Variants in KIRREL3 observed in about 807,000 individuals in gnomAD.
The protein encoded by KIRREL3 is kin of IRRE-like protein 3.
Under a neutral mutation model 89.7 loss-of-function variants are expected in KIRREL3, and 36 were observed. The ratio of observed to expected loss-of-function variants is 0.40; its 90% CI spans 0.31 to 0.53. KIRREL3 has a LOEUF of 0.53. KIRREL3 is among the 20% of genes least tolerant of loss of function. The pLI is 0.49. For synonymous variants in KIRREL3, 445 were observed against 441.4 expected (o/e 1.01, Z -0.10); for missense variants, 864 against 1,056.6 (o/e 0.82, Z 2.53).
chr11:126,794,510 T>A (rs1382535446), intron 1 of KIRREL3, among the ~76,000 whole-genome samples: 2 of 152,254 alleles, frequency 1.3e-5, no homozygotes, highest in African/African-American at 4.8e-5. Context: ...CACAGGGTGG[T>A]AACACAGATC....
In KIRREL3 at chr11:126,771,502, T is replaced by C. The variant is rs1950020599; in HGVS notation, c.56-208590A>G. Reference sequence around the variant, plus strand: ...TCTTTTTTGGCTTTGCTGTACAGATTGGTGCAAAAATAATCACAATTTTTG... The same window carrying C: ...TCTTTTTTGGCTTTGCTGTACAGATCGGTGCAAAAATAATCACAATTTTTG... On this transcript the variant is annotated intron_variant, in intron 1 of 16. Transcript: ENST00000525144. The surrounding 1 kb of genome is among the most constrained non-coding windows in gnomAD (Gnocchi z 4.4). Among the ~76,000 whole-genome samples the C allele has an allele frequency of 6.6e-6, 1 of 152,210 alleles. No homozygotes were observed. The highest frequency in any genetic ancestry group is 1.5e-5 in the Non-Finnish European group (1 of 68,038).
intron 5 of KIRREL3, among the ~76,000 whole-genome samples, chr11:126,467,635 T>G (rs11220509): frequency 0.17 from 24,620 of 145,212 alleles, 2,772 homozygotes; most frequent in Admixed American, 0.34. Flanking sequence ...GTCCCTTTTT[T>G]TTTTTTTTTA....
intron 1 of KIRREL3, among the ~76,000 whole-genome samples, chr11:126,774,001 G>A (rs1950097145): frequency 6.6e-6 from 1 of 152,006 alleles, no homozygotes; most frequent in South Asian, 2.1e-4. Flanking sequence ...TCTCCGGCTG[G>A]AGAAAAAAGT....
Position 126,977,221 on chromosome 11 carries a change from A to G in KIRREL3, c.55+23234T>C, listed in dbSNP as rs1443602439. Among the ~76,000 whole-genome samples, 3 of 151,556 alleles carry G rather than the reference A, an allele frequency of 2.0e-5. No individual in the cohort carries two copies. Among genetic ancestry groups the G allele is most frequent in the Non-Finnish European group, 2.9e-5 (2 of 67,910 alleles). ...TCTTCTGCCAGGTGCCCCGCCTGCC[A>G]TCTTTTGTACCTTTTTTTCAAAACT... On this transcript the variant is annotated intron_variant, in intron 1 of 16. Coordinates refer to ENST00000525144, the MANE Select transcript of KIRREL3 (RefSeq NM_032531.4). This position sits in a 1 kb window ranked among gnomAD's most constrained non-coding sequence, Gnocchi z 4.7.
chr11:126,864,773 G>C lies in KIRREL3; in HGVS notation c.55+135682C>G, dbSNP rs192223569. On this transcript the variant is annotated intron_variant, in intron 1 of 16. Transcript: ENST00000525144. ...ATAGAGGGAAAATAAATTGCCTTGA[G>C]TGCATGCCTCTAAAGCTGATGGAGC... Among the ~76,000 whole-genome samples the C allele has an allele frequency of 2.6e-3, 393 of 152,274 alleles. 1 individual carries two copies. Among genetic ancestry groups the C allele is most frequent in the African/African-American group, 9.0e-3 (375 of 41,546 alleles).
At chr11:126,901,091 GTA>G (rs1250083480) in intron 1 of KIRREL3, among the ~76,000 whole-genome samples, 2 of 151,802 alleles carry the variant, frequency 1.3e-5, no homozygotes, top group Non-Finnish European at 2.9e-5. Context: ...GCGCACACCT[GTA>G]ACCCCAGCTA....
At chr11:126,726,471 G>A (rs180951421) in intron 1 of KIRREL3, among the ~76,000 whole-genome samples, 15 of 152,110 alleles carry the variant, frequency 9.9e-5, no homozygotes, top group Non-Finnish European at 1.8e-4. Context: ...GGGTTCAAGC[G>A]ATTCTCCTGC....
chr11:126,492,148 G>A lies in KIRREL3; in HGVS notation c.434-18682C>T, dbSNP rs1353271261. On this transcript the variant is annotated intron_variant, in intron 4 of 16. Transcript: ENST00000525144. This position sits in a 1 kb window ranked among gnomAD's most constrained non-coding sequence, Gnocchi z 4.8. ...AAAGGATAAGTTGCAGAGGGCCACCGAGGAACTGGGAGGATGATCTATAGA... is the reference window on the plus strand; with the variant it reads ...AAAGGATAAGTTGCAGAGGGCCACCAAGGAACTGGGAGGATGATCTATAGA... Among the ~76,000 whole-genome samples, 1 of 152,220 alleles carries A rather than the reference G, an allele frequency of 6.6e-6. No homozygotes were observed. The highest frequency in any genetic ancestry group is 2.4e-5 in the African/African-American group (1 of 41,458).
intron 2 of KIRREL3, among the ~76,000 whole-genome samples, chr11:126,529,192 G>T (rs2134452248): frequency 6.6e-6 from 1 of 152,256 alleles, no homozygotes. Flanking sequence ...GGCCCCCGGG[G>T]AAGTGGGGTG....
Position 126,491,322 on chromosome 11 carries a change from C to T in KIRREL3, c.434-17856G>A, listed in dbSNP as rs375849053. 2.4e-4 allele frequency among the ~76,000 whole-genome samples: 37 copies of T among 152,208 alleles called. No homozygotes were observed. Among genetic ancestry groups the T allele is most frequent in the African/African-American group, 8.7e-4 (36 of 41,458 alleles). ...AATGTGAGCCCAAGGAGGGCGGGCG[C>T]GTGCTGGCTCTGAGCGGGTGCTTTA... On this transcript the variant is annotated intron_variant, in intron 4 of 16. Transcript: ENST00000525144. This position sits in a 1 kb window ranked among gnomAD's most constrained non-coding sequence, Gnocchi z 5.5.
rs1940156108 is a variant in KIRREL3, at chr11:126,561,945, C to T, written c.133+890G>A. On this transcript the variant is annotated intron_variant, in intron 2 of 16. Coordinates refer to ENST00000525144, the MANE Select transcript of KIRREL3 (RefSeq NM_032531.4). The surrounding 1 kb of genome is among the most constrained non-coding windows in gnomAD (Gnocchi z 4.5). ...TAGAGATGGTAGAAAGAAGCTTCCT[C>T]CTTCTTGCTGGAATGGGAATGAGGA... 6.6e-6 allele frequency among the ~76,000 whole-genome samples: 1 copy of T among 152,150 alleles called. No homozygotes were observed. Among genetic ancestry groups the T allele is most frequent in the Non-Finnish European group, 1.5e-5 (1 of 68,022 alleles).
rs1335512625 is a variant in KIRREL3 at position 126,788,674 on chromosome 11, C to T, written c.55+211781G>A. On this transcript the variant is annotated intron_variant, in intron 1 of 16. Transcript: ENST00000525144. This position sits in a 1 kb window ranked among gnomAD's most constrained non-coding sequence, Gnocchi z 4.1. The stretch of plus-strand genomic sequence containing the variant: ...CCTCACCAGACCCATCATCACCAGT[C>T]CTCCACATTATAGACCACAAAGGCC... Among the ~76,000 whole-genome samples the T allele has an allele frequency of 2.6e-5, 4 of 152,170 alleles. No homozygotes were observed. The highest frequency in any genetic ancestry group is 2.6e-4 in the Admixed American group (4 of 15,276).
At position 126,624,828 on chromosome 11, in the gene KIRREL3, C is replaced by G. The variant is rs867501524; in HGVS notation, c.56-61916G>C. ...CGGAGGGCAGAGCTGATGGAAGGGC[C>G]CGTTGGATACTGACCCAGGGCTTGG... On this transcript the variant is annotated intron_variant, in intron 1 of 16. Transcript: ENST00000525144. The surrounding 1 kb of genome is among the most constrained non-coding windows in gnomAD (Gnocchi z 6.0). Among the ~76,000 whole-genome samples the G allele has an allele frequency of 2.0e-5, 3 of 152,114 alleles. No individual in the cohort carries two copies. Among genetic ancestry groups the G allele is most frequent in the Admixed American group, 6.5e-5 (1 of 15,278 alleles).
At chr11:126,859,249 A>G (rs926952663) in intron 1 of KIRREL3, among the ~76,000 whole-genome samples, 20 of 152,194 alleles carry the variant, frequency 1.3e-4, no homozygotes, top group African/African-American at 4.8e-4. Flanking sequence ...GAAAGCAAAT[A>G]TGGAATATAT....
Position 126,969,180 on chromosome 11 carries a change from T to C in KIRREL3, c.55+31275A>G, listed in dbSNP as rs1949362017. ...GACTTCTAAACCGCGAAAACAGGCC[T>C]GGGGCAAAAGAGTCCGTAGATACCG... On this transcript the variant is annotated intron_variant, in intron 1 of 16. Coordinates refer to ENST00000525144, the MANE Select transcript of KIRREL3 (RefSeq NM_032531.4). This position sits in a 1 kb window ranked among gnomAD's most constrained non-coding sequence, Gnocchi z 4.9. Among the ~76,000 whole-genome samples, 1 of 151,950 alleles carries C rather than the reference T, an allele frequency of 6.6e-6. No homozygotes were observed. The highest frequency in any genetic ancestry group is 2.4e-5 in the African/African-American group (1 of 41,352).
rs1955029834 is a variant in KIRREL3 at position 126,428,853 on chromosome 11, G to T, written c.1806+326C>A. Among the ~76,000 whole-genome samples the T allele has an allele frequency of 6.6e-6, 1 of 152,150 alleles. No homozygotes were observed. On this transcript the variant is annotated intron_variant, in intron 15 of 16. Transcript: ENST00000525144. The surrounding 1 kb of genome is among the most constrained non-coding windows in gnomAD (Gnocchi z 6.4). The stretch of plus-strand genomic sequence containing the variant: ...GTAGAGATGTAGTTTCACCATGTTG[G>T]CCAGGCTGGTCTCGAACTCCTAATC...
At chr11:126,532,589 T>C (rs549791699) in intron 2 of KIRREL3, among the ~76,000 whole-genome samples, 38 of 152,288 alleles carry the variant, frequency 2.5e-4, no homozygotes, top group Non-Finnish European at 3.8e-4. Flanking sequence ...TTGGCCAGAC[T>C]GGTGTCGAAC....
At chr11:126,911,497 C>T (rs1946812512) in intron 1 of KIRREL3, among the ~76,000 whole-genome samples, 1 of 152,206 alleles carries the variant, frequency 6.6e-6, no homozygotes, top group South Asian at 2.1e-4. Flanking sequence ...CACGGCCTCA[C>T]TGGCCACGGA....
In KIRREL3 at chr11:126,575,421, G is replaced by C. The variant is rs369690905; in HGVS notation, c.56-12509C>G. ...ATGGAGAGGTCTTGGGCTGCAATAA[G>C]GACTGGAGATAATGTATGTACAATA... On this transcript the variant is annotated intron_variant, in intron 1 of 16. Transcript: ENST00000525144. The surrounding 1 kb of genome is among the most constrained non-coding windows in gnomAD (Gnocchi z 7.0). 1.2e-4 allele frequency among the ~76,000 whole-genome samples: 18 copies of C among 152,242 alleles called. No individual in the cohort carries two copies. Among genetic ancestry groups the C allele is most frequent in the South Asian group, 4.1e-4 (2 of 4,824 alleles).
Sources: allele counts gnomAD v4.1 joint callset (sites outside exome capture counted in the v4.1 genomes callset), GRCh38; gene constraint gnomAD v4.1.1; non-coding constraint Gnocchi (gnomAD v3.1); transcripts MANE v1.5; gene names NCBI Gene and HGNC (gene_info 2026-07-23, HGNC 2026-07-21).